Variants in CNTNAP2 observed in about 807,000 individuals in gnomAD.
The protein encoded by CNTNAP2 is contactin associated protein 2.
CNTNAP2 carries 98 observed loss-of-function variants against 155.2 expected under a neutral mutation model. That is an observed-to-expected ratio of 0.63 (90% confidence interval 0.54 to 0.75). The LOEUF (loss-of-function observed/expected upper bound fraction) is 0.75. Ranked by LOEUF, CNTNAP2 falls within the 30% of genes least tolerant of loss-of-function variation. The pLI, the probability that CNTNAP2 is intolerant of heterozygous loss-of-function variation, is 0.00. For missense variants in CNTNAP2, 1,727 were observed against 1,688.1 expected (o/e 1.02, Z -0.40); for synonymous variants, 651 against 631.2 (o/e 1.03, Z -0.47).
chr7:146,572,610 T>A (rs1427494114), intron 1 of CNTNAP2, among the ~76,000 whole-genome samples: 1 of 152,168 alleles, frequency 6.6e-6, no homozygotes, highest in East Asian at 1.9e-4. Context: ...CATGAACATA[T>A]TCTCCAAAGC....
intron 3 of CNTNAP2, among the ~76,000 whole-genome samples, chr7:146,841,752 T>C (rs1189552849): frequency 1.3e-5 from 2 of 152,160 alleles, no homozygotes; most frequent in Non-Finnish European, 2.9e-5. Flanking sequence ...TGTGCCAAGA[T>C]AGTAATAAAG....
intron 13 of CNTNAP2, among the ~76,000 whole-genome samples, chr7:147,669,884 A>G (rs1191382085): frequency 6.6e-6 from 1 of 152,148 alleles, no homozygotes; most frequent in African/African-American, 2.4e-5. Context: ...TCCTAAGCAC[A>G]AACATTTCAC....
intron 13 of CNTNAP2, among the ~76,000 whole-genome samples, chr7:147,726,297 T>A (rs1796641623): frequency 1.3e-5 from 2 of 152,010 alleles, no homozygotes; most frequent in Admixed American, 6.6e-5. Flanking sequence ...AGAAGACTTT[T>A]GGCGGTGTGG....
intron 1 of CNTNAP2, among the ~76,000 whole-genome samples, chr7:146,438,998 A>G (rs183767979): frequency 6.6e-6 from 1 of 151,590 alleles, no homozygotes; most frequent in Admixed American, 6.6e-5. Flanking sequence ...TATTCATGTT[A>G]GCTTTACATT....
At chr7:146,773,242 G>A (rs1280367573) in intron 1 of CNTNAP2, among the ~76,000 whole-genome samples, 2 of 152,180 alleles carry the variant, frequency 1.3e-5, no homozygotes, top group South Asian at 4.1e-4. Context: ...CATTATAAAA[G>A]CCAAGTGCAG....
At chr7:146,810,558 C>A (rs1251914692) in intron 2 of CNTNAP2, among the ~76,000 whole-genome samples, 3 of 151,532 alleles carry the variant, frequency 2.0e-5, no homozygotes, top group African/African-American at 7.3e-5. Context: ...TTAGGGTTTT[C>A]TGTATATGGT....
intron 14 of CNTNAP2, among the ~76,000 whole-genome samples, chr7:147,965,471 C>T (rs540379986): frequency 6.6e-6 from 1 of 151,820 alleles, no homozygotes; most frequent in Non-Finnish European, 1.5e-5. Flanking sequence ...AGCTATTGAA[C>T]TTTTTCTTCA....
At chr7:147,205,076 T>G (rs897648086) in intron 8 of CNTNAP2, among the ~76,000 whole-genome samples, 7 of 152,192 alleles carry the variant, frequency 4.6e-5, no homozygotes, top group Non-Finnish European at 8.8e-5. Context: ...GGTAATGTGA[T>G]GCCTCCAGCT....
chr7:146,705,309 T>C (rs1800943839), intron 1 of CNTNAP2, among the ~76,000 whole-genome samples: 1 of 152,052 alleles, frequency 6.6e-6, no homozygotes, highest in African/African-American at 2.4e-5. Flanking sequence ...TCCTGATAGG[T>C]GAGAAGTCCA....
chr7:146,988,082 A>G (rs1798145388), intron 3 of CNTNAP2, among the ~76,000 whole-genome samples: 1 of 152,132 alleles, frequency 6.6e-6, no homozygotes, highest in South Asian at 2.1e-4. Flanking sequence ...TTCAATTAAT[A>G]TTTTAGCAAA....
chr7:147,276,869 TG>T (rs902428810), intron 8 of CNTNAP2, among the ~76,000 whole-genome samples: 8 of 152,078 alleles, frequency 5.3e-5, no homozygotes, highest in African/African-American at 1.7e-4. Flanking sequence ...TGCTGTGAAT[TG>T]GAATACAATG....
intron 1 of CNTNAP2, among the ~76,000 whole-genome samples, chr7:146,737,640 G>A (rs1382929790): frequency 1.3e-5 from 2 of 151,900 alleles, no homozygotes; most frequent in Non-Finnish European, 2.9e-5. Flanking sequence ...GTTTTAATTT[G>A]CATTTATCTG....
chr7:148,229,561 A>AAGAG lies in CNTNAP2; in HGVS notation c.3248-85_3248-84insAGAG, dbSNP rs1333737923. 2.7e-6 allele frequency: 4 copies of AAGAG among 1,489,758 alleles called. No homozygotes were observed. In the East Asian group the frequency reaches 6.9e-5, roughly 26 times the overall value. The allele number at this position is 1,489,758 out of a possible 1,614,324, so 92.3% of individuals were successfully genotyped here. A position where few individuals can be genotyped will look rare whatever the true frequency, so the allele number is the denominator to read the frequency against. On this transcript the variant is annotated intron_variant, in intron 19 of 23. Coordinates refer to ENST00000361727, the MANE Select transcript of CNTNAP2 (RefSeq NM_014141.6). ...AAGAAAAGAAAGGAAGAAAGAAAGA[A>AAGAG]TCTAAGAGCAGGAATTGAGGGGATG...
At chr7:146,391,415 T>C (rs10243810) in intron 1 of CNTNAP2, among the ~76,000 whole-genome samples, 71,023 of 151,810 alleles carry the variant, frequency 0.47, 17,965 homozygotes, top group African/African-American at 0.66. Flanking sequence ...TCTTACATAC[T>C]ATAGCCTCCC....
chr7:147,003,899 G>T (rs989146252), intron 3 of CNTNAP2, among the ~76,000 whole-genome samples: 1 of 151,900 alleles, frequency 6.6e-6, no homozygotes, highest in African/African-American at 2.4e-5. Context: ...AGGCATGATG[G>T]TGCATATCTG....
intron 13 of CNTNAP2, among the ~76,000 whole-genome samples, chr7:147,832,844 T>TC (rs34671094): frequency 0.76 from 111,776 of 146,758 alleles, 43,623 homozygotes; most frequent in African/African-American, 0.94. Context: ...ATAATATAGA[T>TC]CATTATATTT....
intron 7 of CNTNAP2, among the ~76,000 whole-genome samples, chr7:147,130,466 A>G (rs1225417541): frequency 6.6e-6 from 1 of 152,096 alleles, no homozygotes; most frequent in Non-Finnish European, 1.5e-5. Context: ...AAAATAAAAG[A>G]ATAAAAAAAG....
chr7:148,281,835 C>CT (rs58086860), intron 21 of CNTNAP2, among the ~76,000 whole-genome samples: 3,131 of 123,370 alleles, frequency 0.025, 207 homozygotes, highest in African/African-American at 0.074. Context: ...ACAACGTTTC[C>CT]TTTTTTTTTT....
chr7:147,072,364 A>C (rs1799909361), intron 4 of CNTNAP2, among the ~76,000 whole-genome samples: 1 of 152,176 alleles, frequency 6.6e-6, no homozygotes, highest in South Asian at 2.1e-4. Flanking sequence ...AGATGCCACC[A>C]AACTATCTTA....
Sources: gnomAD v4.1 joint callset for allele counts (sites outside exome capture counted in the v4.1 genomes callset) on GRCh38, gnomAD v4.1.1 for gene constraint, MANE v1.5 for transcripts, NCBI Gene and HGNC (gene_info 2026-07-23, HGNC 2026-07-21) for gene names.